DIAPH2: variants seen among roughly 807,000 people sequenced by gnomAD.
The protein encoded by DIAPH2 is protein diaphanous homolog 2.
Under a neutral mutation model 92.7 loss-of-function variants are expected in DIAPH2, and 35 were observed. The ratio of observed to expected loss-of-function variants is 0.38; its 90% CI spans 0.29 to 0.50. DIAPH2 has a LOEUF of 0.50. Ranked by LOEUF, DIAPH2 falls within the 20% of genes least tolerant of loss-of-function variation. The pLI is 0.94. For missense variants in DIAPH2, 701 were observed against 819.5 expected (o/e 0.86, Z 1.77); for synonymous variants, 301 against 280.4 (o/e 1.07, Z -0.73).
intron 24 of DIAPH2, among the ~76,000 whole-genome samples, chrX:97,380,916 A>T (rs2069545345): frequency 9.0e-6 from 1 of 111,670 alleles, no homozygotes; most frequent in African/African-American, 3.2e-5. Context: ...CCTCTTAAAG[A>T]TTACACATTG....
Position 97,537,052 on chromosome X carries a change from T to C in DIAPH2, c.3242-62201T>C, listed in dbSNP as rs1033323134. Among the ~76,000 whole-genome samples, 6 of 111,622 alleles carry C rather than the reference T, an allele frequency of 5.4e-5. 1 individual carries two copies. The Admixed American group carries it at 5.7e-4, about 11-fold the overall frequency. On this transcript the variant is annotated intron_variant, in intron 26 of 26. Coordinates refer to ENST00000324765, the MANE Select transcript of DIAPH2 (RefSeq NM_006729.5). ...GGTAAAACTGAATTATATGGACATA[T>C]GGAGGAGAGAAGGATTGAATTTTAC...
At position 97,601,433 on chromosome X, in the gene DIAPH2, T is replaced by G. The variant is rs1458579396; in HGVS notation, c.*2116T>G. 4.9e-4 allele frequency: 43 copies of G among 87,696 alleles called. No homozygotes were observed. The Admixed American group carries it at 5.7e-3, about 12-fold the overall frequency. The allele number at this position is 87,696 out of a possible 1,213,427, so 7.2% of individuals were successfully genotyped here. ...TTTTATTTAGAGCAATCCCACATGC[T>G]TTTCACAAACATTAAAAAAAAAAAC... On this transcript the variant is annotated 3_prime_UTR_variant, in exon 27 of 27. Coordinates refer to ENST00000324765, the MANE Select transcript of DIAPH2 (RefSeq NM_006729.5).
rs751796614 is a variant in DIAPH2 at position 97,487,415 on chromosome X, C to T, written c.3241+57670C>T. Among the ~76,000 whole-genome samples, 8 of 111,429 alleles carry T rather than the reference C, an allele frequency of 7.2e-5. No individual in the cohort carries two copies. In the South Asian group the frequency reaches 3.1e-3, roughly 43 times the overall value. On this transcript the variant is annotated intron_variant, in intron 26 of 26. Coordinates refer to ENST00000324765, the MANE Select transcript of DIAPH2 (RefSeq NM_006729.5). ...TCAGCCTCCTGAGTAGCTGGGATTA[C>T]AGGCACGTGCCACCACGCCCGGCTC...
intron 22 of DIAPH2, among the ~76,000 whole-genome samples, chrX:97,195,091 T>G (rs977534015): frequency 1.8e-5 from 2 of 112,169 alleles, no homozygotes; most frequent in African/African-American, 6.5e-5. Context: ...GCATGAAAGT[T>G]TAGGAGAAAA....
At chrX:96,691,345 T>C (rs1015908979) in intron 1 of DIAPH2, among the ~76,000 whole-genome samples, 1 of 111,867 alleles carries the variant, frequency 8.9e-6, no homozygotes, top group Non-Finnish European at 1.9e-5. Context: ...AGTTATTAGC[T>C]TGATATCCAA....
intron 22 of DIAPH2, among the ~76,000 whole-genome samples, chrX:97,146,033 T>TA (rs1555990508): frequency 4.6e-5 from 4 of 87,359 alleles, no homozygotes; most frequent in Non-Finnish European, 7.1e-5. Context: ...TTTTTTTTTT[T>TA]ACTAAAGCCT....
At chrX:97,271,892 AT>A (rs1476968803) in intron 23 of DIAPH2, among the ~76,000 whole-genome samples, 1 of 110,032 alleles carries the variant, frequency 9.1e-6, no homozygotes, top group Non-Finnish European at 1.9e-5. Flanking sequence ...TACACACTGT[AT>A]TTTATATATC....
Position 97,599,375 on chromosome X carries a change from G to A in DIAPH2, c.*58G>A, listed in dbSNP as rs1048984002. On this transcript the variant is annotated 3_prime_UTR_variant, in exon 27 of 27. Coordinates refer to ENST00000324765, the MANE Select transcript of DIAPH2 (RefSeq NM_006729.5). ...GTAAAAACAAAATGATGCATTTTGA[G>A]AAGAACAAAGTGTGCACTCAGCGGC... 4.7e-6 allele frequency: 4 copies of A among 855,145 alleles called. No individual in the cohort carries two copies. Among genetic ancestry groups the A allele is most frequent in the Non-Finnish European group, 6.7e-6 (4 of 599,199 alleles). 70.5% of individuals were successfully genotyped at this position (855,145 alleles called of 1,213,427 possible). A position where few individuals can be genotyped will look rare whatever the true frequency, so the allele number is the denominator to read the frequency against.
chrX:97,515,281 C>T (rs1403195908), intron 26 of DIAPH2, among the ~76,000 whole-genome samples: 16 of 112,379 alleles, frequency 1.4e-4, no homozygotes, highest in Non-Finnish European at 3.0e-4. Context: ...TTCCAGGTGC[C>T]GTCCGTCACC....
intron 22 of DIAPH2, among the ~76,000 whole-genome samples, chrX:97,205,018 C>T (rs1364765927): frequency 9.1e-6 from 1 of 110,406 alleles, no homozygotes; most frequent in Admixed American, 9.7e-5. Context: ...AGTGTAACCC[C>T]ACACATCTAA....
At chrX:97,297,603 ACT>A (rs1491315421) in intron 23 of DIAPH2, among the ~76,000 whole-genome samples, 176 of 72,125 alleles carry the variant, frequency 2.4e-3, no homozygotes, top group Non-Finnish European at 3.7e-3. Flanking sequence ...TTTTTAGTGC[ACT>A]TTTTTTTTTT....
At chrX:97,589,149 C>G (rs1200397865) in intron 26 of DIAPH2, among the ~76,000 whole-genome samples, 1 of 99,365 alleles carries the variant, frequency 1.0e-5, no homozygotes, top group Admixed American at 1.1e-4. Flanking sequence ...GAAACCCCAT[C>G]TCTACTAAAA....
intron 17 of DIAPH2, among the ~76,000 whole-genome samples, chrX:97,028,667 T>C (rs2066351840): frequency 8.9e-6 from 1 of 112,145 alleles, no homozygotes; most frequent in African/African-American, 3.2e-5. Flanking sequence ...AGTATTCGGT[T>C]GTATGATATA....
In DIAPH2 at chrX:96,938,919, C is replaced by G. The variant is rs148855824; in HGVS notation, c.1209-347C>G. ...TGCATGAATAATATAGGTCCTCTAT[C>G]ACAACTACAGGGAGATCAAAAGGAA... On this transcript the variant is annotated intron_variant, in intron 11 of 26. Transcript: ENST00000324765. Among the ~76,000 whole-genome samples the G allele has an allele frequency of 4.0e-3, 444 of 111,643 alleles. 2 individuals carry two copies. The highest frequency in any genetic ancestry group is 7.5e-3 in the Non-Finnish European group (396 of 53,042).
At chrX:96,877,631 A>T (rs181431512) in intron 4 of DIAPH2, among the ~76,000 whole-genome samples, 34 of 112,008 alleles carry the variant, frequency 3.0e-4, no homozygotes, top group African/African-American at 1.0e-3. Context: ...AAAATGACAG[A>T]CCATGCTCAG....
At chrX:96,896,460 CCTT>C (rs2065345336) in intron 5 of DIAPH2, among the ~76,000 whole-genome samples, 1 of 111,635 alleles carries the variant, frequency 9.0e-6, no homozygotes, top group Non-Finnish European at 1.9e-5. Context: ...AAGTCACTAA[CCTT>C]CTTTAGTTTC....
chrX:97,364,733 G>T lies in DIAPH2; in HGVS notation c.3009+16453G>T, dbSNP rs73258357. 8.5e-3 allele frequency among the ~76,000 whole-genome samples: 831 copies of T among 97,895 alleles called. 9 individuals are homozygous for T. Among genetic ancestry groups the T allele is most frequent in the Non-Finnish European group, 0.014 (669 of 49,105 alleles). 85.0% of individuals were successfully genotyped at this position (97,895 alleles called of 115,157 possible). ...TAATAAAGGCGGGATTTCTTGGTTTGATTTTCAGTAAAAATGTCTCCTGGT... is the reference window on the plus strand; with the variant it reads ...TAATAAAGGCGGGATTTCTTGGTTTTATTTTCAGTAAAAATGTCTCCTGGT... On this transcript the variant is annotated intron_variant, in intron 24 of 26. Transcript: ENST00000324765.
intron 22 of DIAPH2, among the ~76,000 whole-genome samples, chrX:97,207,333 TCAGC>T (rs2067805768): frequency 2.7e-5 from 3 of 111,918 alleles, no homozygotes; most frequent in Non-Finnish European, 5.6e-5. Flanking sequence ...AAGTACTCAT[TCAGC>T]AAGCATTTTA....
At chrX:97,249,943 C>T (rs905371103) in intron 23 of DIAPH2, among the ~76,000 whole-genome samples, 3 of 110,366 alleles carry the variant, frequency 2.7e-5, no homozygotes, top group African/African-American at 9.9e-5. Flanking sequence ...ACTAAAAATA[C>T]AAAATTAGCC....
Sources: allele counts gnomAD v4.1 joint callset (sites outside exome capture counted in the v4.1 genomes callset), GRCh38; gene constraint gnomAD v4.1.1; transcripts MANE v1.5; gene names NCBI Gene and HGNC (gene_info 2026-07-23, HGNC 2026-07-21).